Variants in RBMS3 observed in about 807,000 individuals in gnomAD.
The protein encoded by RBMS3 is RNA-binding motif, single-stranded-interacting protein 3.
Under a neutral mutation model 66.8 loss-of-function variants are expected in RBMS3, and 27 were observed. The observed-to-expected ratio is 0.40, with a 90% CI of 0.30 to 0.56. RBMS3 has a LOEUF of 0.56. Among genes scored for constraint, RBMS3 ranks in the 20% least tolerant of loss-of-function variants. The pLI is 0.40. For missense variants in RBMS3, 513 were observed against 549.5 expected (o/e 0.93, Z 0.66); for synonymous variants, 188 against 183.0 (o/e 1.03, Z -0.22).
chr3:29,567,191 A>C (rs2046774366), intron 3 of RBMS3, among the ~76,000 whole-genome samples: 1 of 152,154 alleles, frequency 6.6e-6, no homozygotes, highest in Non-Finnish European at 1.5e-5. Flanking sequence ...CCTAGCTTAG[A>C]ATACATAAAA....
At chr3:29,415,126 T>C (rs1253007835) in intron 1 of RBMS3, among the ~76,000 whole-genome samples, 1 of 152,186 alleles carries the variant, frequency 6.6e-6, no homozygotes, top group African/African-American at 2.4e-5. Flanking sequence ...AAATATGAAT[T>C]ATGCAAATAC....
At chr3:29,621,893 G>A (rs2048879157) in intron 4 of RBMS3, among the ~76,000 whole-genome samples, 3 of 152,164 alleles carry the variant, frequency 2.0e-5, no homozygotes, top group Admixed American at 2.0e-4. Flanking sequence ...TTCAATTTGG[G>A]ATGCCTAATC....
At chr3:29,864,856 A>T (rs1197424541) in intron 6 of RBMS3, among the ~76,000 whole-genome samples, 1 of 139,128 alleles carries the variant, frequency 7.2e-6, no homozygotes, top group East Asian at 2.5e-4. Flanking sequence ...GGGAAAGGGA[A>T]GGGGAAGGGG....
At chr3:29,545,388 G>A (rs1198382230) in intron 3 of RBMS3, among the ~76,000 whole-genome samples, 4 of 152,018 alleles carry the variant, frequency 2.6e-5, no homozygotes, top group South Asian at 2.1e-4. Flanking sequence ...AACAGCAAAG[G>A]TATTTCAATT....
At chr3:29,378,445 C>T (rs2038595972) in intron 1 of RBMS3, among the ~76,000 whole-genome samples, 1 of 150,700 alleles carries the variant, frequency 6.6e-6, no homozygotes, top group Non-Finnish European at 1.5e-5. Flanking sequence ...GCATTGCAGC[C>T]TGAGTGACAG....
At chr3:29,744,014 C>A (rs900333092) in intron 5 of RBMS3, among the ~76,000 whole-genome samples, 2 of 150,192 alleles carry the variant, frequency 1.3e-5, no homozygotes, top group African/African-American at 4.9e-5. Flanking sequence ...TTTGTCCTTG[C>A]AATTATTTGC....
At chr3:29,936,355 G>A (rs945318506) in intron 11 of RBMS3, among the ~76,000 whole-genome samples, 159 bp downstream of exon 11, 84 of 152,160 alleles carry the variant, frequency 5.5e-4, no homozygotes, top group Non-Finnish European at 3.1e-4. Context: ...CTGCATGTAT[G>A]TTCAGTTCCA....
intron 8 of RBMS3, among the ~76,000 whole-genome samples, chr3:29,891,688 C>A (rs561111365): frequency 5.8e-4 from 87 of 151,218 alleles, no homozygotes; most frequent in Non-Finnish European, 1.1e-3. Flanking sequence ...AAAATATATT[C>A]TTGGGGGAGA....
At chr3:29,929,805 A>G (rs2061059834) in intron 10 of RBMS3, among the ~76,000 whole-genome samples, 1 of 152,112 alleles carries the variant, frequency 6.6e-6, no homozygotes, top group African/African-American at 2.4e-5. Context: ...GCCCATAGCT[A>G]TATATCTCCA....
intron 4 of RBMS3, among the ~76,000 whole-genome samples, chr3:29,707,704 T>C (rs1372399875): frequency 1.3e-5 from 2 of 152,158 alleles, no homozygotes; most frequent in Admixed American, 6.5e-5. Context: ...CAAAGACACT[T>C]TTATTTTATG....
rs531713489 is a variant in RBMS3, at chr3:29,633,281, T to C, written c.399+46076T>C. Among the ~76,000 whole-genome samples the C allele has an allele frequency of 4.6e-5, 7 of 151,970 alleles. No individual in the cohort carries two copies. The South Asian group carries it at 1.2e-3, about 27-fold the overall frequency. On this transcript the variant is annotated intron_variant, in intron 4 of 14. Transcript: ENST00000383767. ...TAGAGCCTTATATCTTCATATATCCTCTAATAATGGTAGAATTTGGTTTTG... is the reference window on the plus strand; with the variant it reads ...TAGAGCCTTATATCTTCATATATCCCCTAATAATGGTAGAATTTGGTTTTG...
rs1183205626 is a variant in RBMS3, at chr3:29,983,231, CCCG to C, written c.1099-4909_1099-4907del. ...TTTATCAGAGACTAGGATTGCAACC[CCCG>C]CCCCCTTTTTTTTTTTTGCTTTCTA... On this transcript the variant is annotated intron_variant, in intron 12 of 14. Coordinates refer to ENST00000383767, the MANE Select transcript of RBMS3 (RefSeq NM_001003793.3). Among the ~76,000 whole-genome samples the C allele has an allele frequency of 6.3e-3, 896 of 141,406 alleles. 13 individuals carry two copies. Among genetic ancestry groups the C allele is most frequent in the African/African-American group, 0.023 (854 of 36,834 alleles). The allele number at this position is 141,406 out of a possible 152,430, so 92.8% of individuals were successfully genotyped here.
At chr3:29,843,011 GC>G (rs2058698169) in intron 6 of RBMS3, among the ~76,000 whole-genome samples, 1 of 152,296 alleles carries the variant, frequency 6.6e-6, no homozygotes, top group Middle Eastern at 3.4e-3. Flanking sequence ...TGTTACAACA[GC>G]CATAGGAAAC....
chr3:29,983,611 T>C (rs1577316697), intron 12 of RBMS3, among the ~76,000 whole-genome samples: 2 of 152,154 alleles, frequency 1.3e-5, no homozygotes, highest in Admixed American at 1.3e-4. Flanking sequence ...GCAGGCTCGG[T>C]GGTGATGAAA....
chr3:29,911,229 A>G (rs577677895), intron 10 of RBMS3, among the ~76,000 whole-genome samples: 1 of 152,112 alleles, frequency 6.6e-6, no homozygotes, highest in East Asian at 1.9e-4. Flanking sequence ...CTCTGAGCAA[A>G]GTGATCAGTA....
In RBMS3 at chr3:29,478,237, C is replaced by A. The variant is rs201505925; in HGVS notation, c.249-10204C>A. Among the ~76,000 whole-genome samples the A allele has an allele frequency of 5.9e-5, 9 of 152,266 alleles. No homozygotes were observed. The East Asian group carries it at 1.7e-3, about 29-fold the overall frequency. ...TGTCAGTCTATTTGGGCTACTATAG[C>A]AAAATGCTACAAACCTGGTGGCTTA... On this transcript the variant is annotated intron_variant, in intron 2 of 14. Transcript: ENST00000383767.
At chr3:29,660,520 A>G (rs2149228142) in intron 4 of RBMS3, among the ~76,000 whole-genome samples, 1 of 152,294 alleles carries the variant, frequency 6.6e-6, no homozygotes, top group Non-Finnish European at 1.5e-5. Flanking sequence ...TTAATTCGTT[A>G]CTGATACGGA....
At chr3:29,892,809 A>AT (rs1559774774) in intron 8 of RBMS3, among the ~76,000 whole-genome samples, 2 of 114,394 alleles carry the variant, frequency 1.7e-5, no homozygotes. Flanking sequence ...TGAAGTATGT[A>AT]TGTATGTATG....
chr3:29,927,887 C>A (rs1323715185), intron 10 of RBMS3, among the ~76,000 whole-genome samples: 1 of 152,128 alleles, frequency 6.6e-6, no homozygotes, highest in Non-Finnish European at 1.5e-5. Flanking sequence ...TGCTCTTGGG[C>A]AGCCCTACAA....
Sources: gnomAD v4.1 joint callset for allele counts (sites outside exome capture counted in the v4.1 genomes callset) on GRCh38, gnomAD v4.1.1 for gene constraint, MANE v1.5 for transcripts, NCBI Gene and HGNC (gene_info 2026-07-23, HGNC 2026-07-21) for gene names.